SGCG: variants seen among roughly 807,000 people sequenced by gnomAD.
The protein encoded by SGCG is sarcoglycan gamma.
Under a neutral mutation model 29.3 loss-of-function variants are expected in SGCG, and 26 were observed. The observed-to-expected ratio is 0.89, with a 90% CI of 0.65 to 1.23. The LOEUF is 1.23. SGCG is among the 50% of genes most tolerant of loss of function. The probability of loss-of-function intolerance (pLI) is 0.00; values close to 1 mark genes in which losing one functional copy is unlikely to be tolerated. For missense variants in SGCG, 353 were observed against 356.0 expected, an observed-to-expected ratio of 0.99 and a Z score of 0.07; for synonymous variants, 145 against 129.7, an observed-to-expected ratio of 1.12 and a Z score of -0.80.
At chr13:23,320,280 A>G (rs1212239269) in intron 6 of SGCG, among the ~76,000 whole-genome samples, 1 of 152,316 alleles carries the variant, frequency 6.6e-6, no homozygotes, top group East Asian at 1.9e-4. Flanking sequence ...CCTGGGCAAC[A>G]TAACGAAAAT....
intron 6 of SGCG, among the ~76,000 whole-genome samples, chr13:23,316,432 C>G (rs1882813314): frequency 6.6e-6 from 1 of 152,204 alleles, no homozygotes; most frequent in African/African-American, 2.4e-5. Context: ...ATGGAATTCA[C>G]TGGTCTTACC....
At chr13:23,196,333 T>C (rs567121541) in intron 1 of SGCG, among the ~76,000 whole-genome samples, 201 of 151,666 alleles carry the variant, frequency 1.3e-3, no homozygotes, top group African/African-American at 4.6e-3. Flanking sequence ...GAATTACTAT[T>C]GTTTGTTTGA....
At chr13:23,296,164 A>G (rs558145) in intron 6 of SGCG, among the ~76,000 whole-genome samples, 55,979 of 152,156 alleles carry the variant, frequency 0.37, 10,942 homozygotes, top group East Asian at 0.78. Context: ...GCATGTGCAT[A>G]TATATATTAC....
intron 2 of SGCG, among the ~76,000 whole-genome samples, chr13:23,233,934 G>A (rs1879204171): frequency 6.6e-6 from 1 of 152,178 alleles, no homozygotes; most frequent in Non-Finnish European, 1.5e-5. Flanking sequence ...GTTTCAAGGA[G>A]GAAGGGGTCC....
intron 4 of SGCG, among the ~76,000 whole-genome samples, chr13:23,277,995 G>T (rs959073462): frequency 2.6e-5 from 4 of 151,604 alleles, no homozygotes; most frequent in African/African-American, 9.7e-5. Context: ...ACCGCGCCCA[G>T]CCTAATTTTT....
intron 1 of SGCG, among the ~76,000 whole-genome samples, chr13:23,198,441 A>C (rs1877600124): frequency 6.6e-6 from 1 of 152,236 alleles, no homozygotes; most frequent in African/African-American, 2.4e-5. Context: ...ATTCAGAAGC[A>C]TATGAAAGCA....
At chr13:23,256,139 C>G (rs1880166917) in intron 4 of SGCG, among the ~76,000 whole-genome samples, 1 of 152,016 alleles carries the variant, frequency 6.6e-6, no homozygotes, top group Non-Finnish European at 1.5e-5. Context: ...AAAATCCCAG[C>G]AGAATCAAAA....
At chr13:23,184,362 C>A (rs545805923) in intron 1 of SGCG, among the ~76,000 whole-genome samples, 170 of 59,192 alleles carry the variant, frequency 2.9e-3, no homozygotes, top group African/African-American at 0.011. Context: ...AGGGACTAGG[C>A]AAATTGAAGG....
intron 6 of SGCG, among the ~76,000 whole-genome samples, chr13:23,317,816 A>T (rs950278183): frequency 1.3e-5 from 2 of 152,066 alleles, no homozygotes; most frequent in African/African-American, 4.8e-5. Context: ...TGGACTTGTG[A>T]TGGTTAATAC....
At chr13:23,195,881 T>C (rs1168173828) in intron 1 of SGCG, among the ~76,000 whole-genome samples, 3 of 152,164 alleles carry the variant, frequency 2.0e-5, no homozygotes, top group Non-Finnish European at 2.9e-5. Flanking sequence ...ATGAGTATGG[T>C]AAATTTATTA....
intron 1 of SGCG, among the ~76,000 whole-genome samples, chr13:23,200,169 TC>T (rs1877683503): frequency 6.6e-6 from 1 of 152,192 alleles, no homozygotes; most frequent in African/African-American, 2.4e-5. Flanking sequence ...ATGCCTGTAA[TC>T]CCAGCACTTT....
At chr13:23,294,369 T>C (rs1001213676) in intron 5 of SGCG, among the ~76,000 whole-genome samples, 1 of 152,250 alleles carries the variant, frequency 6.6e-6, no homozygotes, top group Non-Finnish European at 1.5e-5. Flanking sequence ...CCATGTAGAA[T>C]TCGTTGCTTC....
chr13:23,185,496 C>T lies in SGCG; in HGVS notation c.-1+4421C>T, dbSNP rs116998426. On this transcript the variant is annotated intron_variant, in intron 1 of 7. Coordinates refer to ENST00000218867, the MANE Select transcript of SGCG (RefSeq NM_000231.3). ...TGAGCCACTGCATCCGGTCCCCGAT[C>T]ACTTTTAAATTCCAATTTTTCCAAC... Among the ~76,000 whole-genome samples the T allele has an allele frequency of 1.9e-3, 283 of 152,292 alleles. 3 individuals are homozygous for T. In the East Asian group the frequency reaches 0.031, roughly 17 times the overall value.
At chr13:23,199,157 T>G in intron 1 of SGCG, among the ~76,000 whole-genome samples, 1 of 152,122 alleles carries the variant, frequency 6.6e-6, no homozygotes. Context: ...GAAGGATGGT[T>G]AGCAGGAGAA....
chr13:23,207,420 T>A (rs1878024318), intron 2 of SGCG, among the ~76,000 whole-genome samples: 1 of 152,118 alleles, frequency 6.6e-6, no homozygotes, highest in Non-Finnish European at 1.5e-5. Context: ...CAATGATTTC[T>A]TGAATATCAA....
intron 2 of SGCG, among the ~76,000 whole-genome samples, chr13:23,219,289 T>C (rs9510629): frequency 0.71 from 107,517 of 152,006 alleles, 38,355 homozygotes; most frequent in East Asian, 0.92. Context: ...CCTCCTGATA[T>C]GCCTGCCTTG....
intron 1 of SGCG, among the ~76,000 whole-genome samples, chr13:23,191,943 A>G (rs919658136): frequency 1.3e-5 from 2 of 152,018 alleles, no homozygotes; most frequent in Admixed American, 6.6e-5. Context: ...CCCAGCACTT[A>G]GGTGGGCGGA....
chr13:23,251,726 C>T (rs1186312383), intron 4 of SGCG, among the ~76,000 whole-genome samples: 1 of 151,832 alleles, frequency 6.6e-6, no homozygotes. Flanking sequence ...GTGGAAGAGA[C>T]CCTTTGTTTG....
At chr13:23,172,093 C>T in the SGCG span, among the ~76,000 whole-genome samples, 1 of 152,160 alleles carries the variant, frequency 6.6e-6, no homozygotes, top group Non-Finnish European at 1.5e-5. Flanking sequence ...CTGGATTAAC[C>T]TCTCCTTACC....
Sources: allele counts gnomAD v4.1 joint callset (sites outside exome capture counted in the v4.1 genomes callset), GRCh38; gene constraint gnomAD v4.1.1; transcripts MANE v1.5; gene names NCBI Gene and HGNC (gene_info 2026-07-23, HGNC 2026-07-21).